Variants in TLE3 observed in about 807,000 individuals in gnomAD.
TLE3 encodes the protein transducin-like enhancer protein 3.
TLE3 carries 14 observed loss-of-function variants against 93.0 expected under a neutral mutation model. That is an observed-to-expected ratio of 0.15 (90% CI 0.10 to 0.24). The LOEUF (loss-of-function observed/expected upper bound fraction) is 0.24, where lower values mean the gene tolerates loss of function less well. Ranked by LOEUF, TLE3 falls within the 10% of genes least tolerant of loss-of-function variation. The pLI is 1.00. For synonymous variants in TLE3, 451 were observed against 425.0 expected, an observed-to-expected ratio of 1.06 and a Z score of -0.75; for missense variants, 693 against 1,046.6, an observed-to-expected ratio of 0.66 and a Z score of 4.66.
In TLE3 at chr15:70,060,648, T is replaced by C. The variant is rs2056409271; in HGVS notation, c.596A>G (p.Asn199Ser). Residue 199 changes from asparagine (N) to serine (S), a missense_variant and splice_region_variant, in exon 9 of 20, where the codon AAT becomes AGT. Asn to Ser is a conservative substitution (Grantham distance 46). Coordinates refer to ENST00000451782, the MANE Select transcript of TLE3 (RefSeq NM_001105192.3). ...LDHRERESSA[N>S]NSVSPSESLR... ...GCTTTCCGAGGGTGACACAGAGTTA[T>C]TCTGGAAGGAAAAAGAGGGTTCGGG... is the stretch of plus-strand genomic sequence containing the variant. 5 of 1,613,804 alleles carry C rather than the reference T, an allele frequency of 3.1e-6. No individual in the cohort carries two copies. In the African/African-American group the frequency reaches 5.3e-5, roughly 17 times the overall value.
rs1047424421 is a variant in TLE3 at position 70,097,328 on chromosome 15, G to C, written c.-530C>G. 2.5e-6 allele frequency: 1 copy of C among 401,896 alleles called. No homozygotes were observed. The highest frequency in any genetic ancestry group is 4.4e-6 in the Non-Finnish European group (1 of 228,342). 24.9% of individuals were successfully genotyped at this position (401,896 alleles called of 1,614,324 possible). A position where few individuals can be genotyped will look rare whatever the true frequency, so the allele number is the denominator to read the frequency against. On this transcript the variant is annotated 5_prime_UTR_variant, in exon 1 of 20. Coordinates refer to ENST00000451782, the MANE Select transcript of TLE3 (RefSeq NM_001105192.3). ...GGGCTCGCGGCGAGAAGAGGAAGGA[G>C]GCGGGCTACGAGGTGGTGGCTTGGG...
intron 10 of TLE3, 85 bp downstream of exon 10, chr15:70,059,325 C>T: frequency 6.7e-7 from 1 of 1,485,550 alleles, no homozygotes; most frequent in Non-Finnish European, 9.1e-7. Context: ...AATACTAGAA[C>T]AGACAGAATA....
chr15:70,059,545 A>C, intron 9 of TLE3, 85 bp from the exon 10 acceptor site: 1 of 1,370,638 alleles, frequency 7.3e-7, no homozygotes, highest in East Asian at 2.5e-5. Context: ...CTGTCCTTCT[A>C]CTGGCCAGGA....
intron 16 of TLE3, 166 bp from the exon 17 acceptor site, chr15:70,053,540 T>G: frequency 1.4e-6 from 1 of 713,960 alleles, no homozygotes; most frequent in Non-Finnish European, 2.1e-6. Context: ...CCGGCCTCTT[T>G]CCAGTTCCAG....
At chr15:70,090,888 G>T (rs973935118) in intron 4 of TLE3, among the ~76,000 whole-genome samples, 2 of 152,188 alleles carry the variant, frequency 1.3e-5, no homozygotes, top group African/African-American at 4.8e-5. Context: ...TTTGGACTTT[G>T]GTGGGGCCAG....
At chr15:70,075,517 G>A (rs977534304) in intron 5 of TLE3, among the ~76,000 whole-genome samples, 1 of 152,216 alleles carries the variant, frequency 6.6e-6, no homozygotes, top group African/African-American at 2.4e-5. Flanking sequence ...CCCAGCCACT[G>A]AGTGGGAGTA....
chr15:70,079,646 A>G (rs2057659813), intron 4 of TLE3, among the ~76,000 whole-genome samples: 1 of 151,826 alleles, frequency 6.6e-6, no homozygotes, highest in South Asian at 2.1e-4. Flanking sequence ...TGAACAGGAA[A>G]GCTGTTCGCT....
At chr15:70,079,605 T>G (rs1056250043) in intron 4 of TLE3, 1 of 357,302 alleles carries the variant, frequency 2.8e-6, no homozygotes, top group Non-Finnish European at 5.5e-6. Context: ...ACCCTGAGAA[T>G]GGGCTGCGTG....
At position 70,052,543 on chromosome 15, in the gene TLE3, C is replaced by G. The variant is rs76484974; in HGVS notation, c.1975-19G>C. The G allele has an allele frequency of 1.0e-3, 1,636 of 1,609,504 alleles. 11 individuals are homozygous for G. The African/African-American group carries it at 0.02, about 20-fold the overall frequency. ...AGAAGATCTGCAGGTGGTGGGAGGG[C>G]AGATGGACTGAGCTCAGCATTCTCT... On this transcript the variant is annotated intron_variant, in intron 17 of 19. Coordinates refer to ENST00000451782, the MANE Select transcript of TLE3 (RefSeq NM_001105192.3).
At position 70,097,732 on chromosome 15, in the gene TLE3, C is replaced by T. The variant is rs975298822; in HGVS notation, c.-934G>A. 1.8e-5 allele frequency: 7 copies of T among 395,262 alleles called. No homozygotes were observed. The highest frequency in any genetic ancestry group is 1.2e-4 in the African/African-American group (6 of 48,474). 24.5% of individuals were successfully genotyped at this position (395,262 alleles called of 1,614,324 possible). ...ACGGCTTCCTTCCTTCCCCTCGGCC[C>T]GGCTCTCCTCTCCGCGCCCCGGCAA... On this transcript the variant is annotated 5_prime_UTR_variant, in exon 1 of 20. Transcript: ENST00000451782.
intron 6 of TLE3, chr15:70,066,529 T>C: frequency 3.4e-6 from 1 of 298,490 alleles, no homozygotes; most frequent in Non-Finnish European, 6.2e-6. Flanking sequence ...TGCATGCATT[T>C]AAAAAACCGC....
intron 6 of TLE3, chr15:70,066,482 A>C: frequency 2.5e-6 from 1 of 398,218 alleles, no homozygotes; most frequent in Non-Finnish European, 4.5e-6. Flanking sequence ...TTCACAAATA[A>C]TTTCTCAATG....
chr15:70,050,264 C>G, intron 19 of TLE3, 60 bp from the exon 20 acceptor site: 1 of 1,335,256 alleles, frequency 7.5e-7, no homozygotes, highest in Non-Finnish European at 1.1e-6. Context: ...AGAAAAAAGA[C>G]AGGAATTCAT....
At chr15:70,059,289 C>A (rs1222724960) in intron 10 of TLE3, 121 bp downstream of exon 10, 4 of 1,214,072 alleles carry the variant, frequency 3.3e-6, no homozygotes, top group Non-Finnish European at 4.6e-6. Context: ...GACTGGAGGC[C>A]TTGTCTCCCT....
At chr15:70,093,097 A>C (rs1263943121) in intron 4 of TLE3, among the ~76,000 whole-genome samples, 1 of 152,148 alleles carries the variant, frequency 6.6e-6, no homozygotes, top group African/African-American at 2.4e-5. Flanking sequence ...ACCTGTCTCT[A>C]TTCTATTTTT....
At chr15:70,083,536 C>A (rs1331131579) in intron 4 of TLE3, among the ~76,000 whole-genome samples, 4 of 118,702 alleles carry the variant, frequency 3.4e-5, no homozygotes, top group African/African-American at 1.3e-4. Flanking sequence ...CTCTCTCCTT[C>A]CCCCTCCTCC....
In TLE3 at chr15:70,092,282, A is replaced by C. The variant is rs930105158; in HGVS notation, c.234+2250T>G. Among the ~76,000 whole-genome samples the C allele has an allele frequency of 2.6e-5, 4 of 152,204 alleles. No individual in the cohort carries two copies. In the South Asian group the frequency reaches 6.2e-4, roughly 24 times the overall value. Reference sequence around the variant, plus strand: ...CTCCATTAGATCAGGGTTGCATTTCACGGCACAGGTTTCTTCACCTCCTTG... The same window carrying C: ...CTCCATTAGATCAGGGTTGCATTTCCCGGCACAGGTTTCTTCACCTCCTTG... On this transcript the variant is annotated intron_variant, in intron 4 of 19. Coordinates refer to ENST00000451782, the MANE Select transcript of TLE3 (RefSeq NM_001105192.3).
At chr15:70,060,463 G>A in intron 9 of TLE3, 67 bp downstream of exon 9, 1 of 1,597,068 alleles carries the variant, frequency 6.3e-7, no homozygotes, top group Non-Finnish European at 8.5e-7. Flanking sequence ...CCACAGCTTG[G>A]GCCCTGCAGA....
At chr15:70,059,743 T>A (rs957335383) in intron 9 of TLE3, among the ~76,000 whole-genome samples, 1 of 152,204 alleles carries the variant, frequency 6.6e-6, no homozygotes, top group African/African-American at 2.4e-5. Flanking sequence ...TCTAAGCCCC[T>A]GCCCCCACAG....
Sources: allele counts gnomAD v4.1 joint callset (sites outside exome capture counted in the v4.1 genomes callset), GRCh38; gene constraint gnomAD v4.1.1; transcripts MANE v1.5; gene names NCBI Gene and HGNC (gene_info 2026-07-23, HGNC 2026-07-21).